Variants in PTGER3 observed in about 807,000 individuals in gnomAD.
PTGER3 encodes the protein prostaglandin E receptor 3.
Under a neutral mutation model 34.7 loss-of-function variants are expected in PTGER3, and 22 were observed. The ratio of observed to expected loss-of-function variants is 0.63; its 90% CI spans 0.45 to 0.91. The LOEUF (loss-of-function observed/expected upper bound fraction) is 0.91, where lower values mean the gene tolerates loss of function less well. Among genes scored for constraint, PTGER3 ranks in the 40% least tolerant of loss-of-function variants. The pLI, the probability that PTGER3 is intolerant of heterozygous loss-of-function variation, is 0.00. For synonymous variants in PTGER3, 241 were observed against 230.1 expected (o/e 1.05, Z -0.43); for missense variants, 468 against 519.4 (o/e 0.90, Z 0.96).
chr1:70,952,935 G>C (rs1052691867), exon 4 of PTGER3: 45 of 1,611,720 alleles, frequency 2.8e-5, no homozygotes, highest in Non-Finnish European at 3.7e-5. Flanking sequence ...TGAGATTCTG[G>C]TGTACACATT....
At chr1:70,969,580 C>A (rs930230676), downstream of PTGER3, among the ~76,000 whole-genome samples, 1 of 152,100 alleles carries the variant, frequency 6.6e-6, no homozygotes, top group African/African-American at 2.4e-5. Flanking sequence ...TACTATGTAA[C>A]TTCAAAGTTG....
At chr1:71,009,234 A>G (rs905763285) in intron 2 of PTGER3, 18 of 985,140 alleles carry the variant, frequency 1.8e-5, no homozygotes, top group African/African-American at 1.7e-4. Context: ...CTCAATGCCA[A>G]TGTGCTCACA....
chr1:70,894,682 T>C (rs1646689377), intron 4 of PTGER3, among the ~76,000 whole-genome samples: 1 of 152,198 alleles, frequency 6.6e-6, no homozygotes, highest in Admixed American at 6.5e-5. Flanking sequence ...TAGGCAAAAG[T>C]ATATTTAGTT....
At chr1:70,889,308 G>A (rs1267858660) in intron 4 of PTGER3, among the ~76,000 whole-genome samples, 2 of 151,442 alleles carry the variant, frequency 1.3e-5, no homozygotes, top group East Asian at 1.9e-4. Flanking sequence ...CCAGCTACTC[G>A]GGAGGCTGAG....
rs184819860 is a variant in PTGER3 at position 71,037,100 on chromosome 1, C to T, written c.897+9581G>A. Among the ~76,000 whole-genome samples, 53 of 152,224 alleles carry T rather than the reference C, an allele frequency of 3.5e-4. No homozygotes were observed. The East Asian group carries it at 4.5e-3, about 13-fold the overall frequency. ...CAGACCCAGTACAGTTGGGGCCAAG[C>T]GTGTTCCATTAGGGCCATCATGCTG... On this transcript the variant is annotated intron_variant, in intron 1 of 3. Transcript: ENST00000306666.
At chr1:70,858,575 A>G (rs1572470922) in intron 4 of PTGER3, among the ~76,000 whole-genome samples, 1 of 152,214 alleles carries the variant, frequency 6.6e-6, no homozygotes. Flanking sequence ...GGGCCAGTTT[A>G]TTGAATCTCT....
chr1:70,871,461 A>G (rs945509419), intron 4 of PTGER3, among the ~76,000 whole-genome samples: 6 of 152,188 alleles, frequency 3.9e-5, no homozygotes, highest in Non-Finnish European at 8.8e-5. Flanking sequence ...TAACTGGAGA[A>G]GCCTCTGCCA....
chr1:70,969,346 A>T (rs1246042084), downstream of PTGER3, among the ~76,000 whole-genome samples: 2 of 152,166 alleles, frequency 1.3e-5, no homozygotes, highest in Non-Finnish European at 2.9e-5. Context: ...AAAAGCTATC[A>T]TGTTCACTTA....
At chr1:70,939,218 A>G (rs1241698877) in intron 4 of PTGER3, among the ~76,000 whole-genome samples, 1 of 152,162 alleles carries the variant, frequency 6.6e-6, no homozygotes, top group Admixed American at 6.5e-5. Flanking sequence ...CTTTGTCTCC[A>G]TGTCCCACAT....
At chr1:70,902,713 C>T (rs1646865923) in intron 4 of PTGER3, among the ~76,000 whole-genome samples, 2 of 152,182 alleles carry the variant, frequency 1.3e-5, no homozygotes, top group South Asian at 4.1e-4. Context: ...ATTCAGAAAA[C>T]ACCAGAAAGT....
At chr1:70,920,717 G>A (rs1336431994) in intron 4 of PTGER3, among the ~76,000 whole-genome samples, 1 of 152,180 alleles carries the variant, frequency 6.6e-6, no homozygotes, top group Non-Finnish European at 1.5e-5. Context: ...AAAGAGCATA[G>A]CATGTCCTAA....
At chr1:70,955,324 T>C (rs933593677) in intron 2 of PTGER3, among the ~76,000 whole-genome samples, 1 of 152,188 alleles carries the variant, frequency 6.6e-6, no homozygotes, top group Non-Finnish European at 1.5e-5. Context: ...AAAGCACTTA[T>C]AGATTATAAA....
chr1:70,932,565 G>A (rs576540606), intron 4 of PTGER3, among the ~76,000 whole-genome samples: 15 of 152,174 alleles, frequency 9.9e-5, no homozygotes, highest in South Asian at 8.3e-4. Context: ...ACATGGTGGC[G>A]GCAAGAGAAA....
chr1:70,925,430 T>C (rs1647966888), intron 4 of PTGER3, among the ~76,000 whole-genome samples: 1 of 152,236 alleles, frequency 6.6e-6, no homozygotes, highest in South Asian at 2.1e-4. Flanking sequence ...GCTGGATATA[T>C]TCTTGAAAAT....
chr1:70,911,171 G>C (rs953076578), intron 4 of PTGER3, among the ~76,000 whole-genome samples: 1 of 150,868 alleles, frequency 6.6e-6, no homozygotes, highest in African/African-American at 2.4e-5. Context: ...TCTAGATTGA[G>C]AACCAAAAGT....
chr1:70,905,817 G>T (rs979537302), intron 4 of PTGER3, among the ~76,000 whole-genome samples: 1 of 152,148 alleles, frequency 6.6e-6, no homozygotes, highest in Non-Finnish European at 1.5e-5. Context: ...CTGTTGGGAA[G>T]GCATGATTGG....
intron 4 of PTGER3, among the ~76,000 whole-genome samples, chr1:70,900,619 A>AG (rs145622185): frequency 0.015 from 2,269 of 152,288 alleles, 49 homozygotes; most frequent in African/African-American, 0.052. Flanking sequence ...TTCTTGTCCA[A>AG]GGTGAGATAC....
chr1:71,027,445 A>G (rs1346163599), intron 1 of PTGER3, among the ~76,000 whole-genome samples: 1 of 152,200 alleles, frequency 6.6e-6, no homozygotes, highest in African/African-American at 2.4e-5. Flanking sequence ...TTAAAAACAA[A>G]AGATTTTATG....
intron 2 of PTGER3, chr1:70,997,268 T>C (rs1656079412): frequency 6.6e-6 from 1 of 152,018 alleles, no homozygotes; most frequent in Non-Finnish European, 1.5e-5. Flanking sequence ...GGAGACTGTC[T>C]CCCAAAAAAT....
Sources: gnomAD v4.1 joint callset for allele counts (sites outside exome capture counted in the v4.1 genomes callset) on GRCh38, gnomAD v4.1.1 for gene constraint, MANE v1.5 for transcripts, NCBI Gene and HGNC (gene_info 2026-07-23, HGNC 2026-07-21) for gene names.